The following TFEC variants were observed in gnomAD, a reference collection of about 807,000 sequenced individuals.
TFEC encodes class E basic helix-loop-helix protein 34.
In TFEC, 31 loss-of-function variants were observed where a neutral mutation model predicts 41.6. The ratio of observed to expected loss-of-function variants is 0.74; its 90% CI spans 0.56 to 1.01. The LOEUF is 1.01. TFEC is among the 50% of genes least tolerant of loss of function. The pLI is 0.00. For missense variants in TFEC, 402 were observed against 404.1 expected, an observed-to-expected ratio of 0.99 and a Z score of 0.04; for synonymous variants, 143 against 140.6, an observed-to-expected ratio of 1.02 and a Z score of -0.12.
chr7:115,969,001 A>T (rs1323877057), intron 3 of TFEC, among the ~76,000 whole-genome samples: 1 of 151,910 alleles, frequency 6.6e-6, no homozygotes, highest in Non-Finnish European at 1.5e-5. Flanking sequence ...AATGCATGGT[A>T]GCTATTATTA....
rs1793242742 is a variant in TFEC, at chr7:115,936,712, C to T, written c.*3839G>A. 1 of 151,388 alleles carries T rather than the reference C, an allele frequency of 6.6e-6. No homozygotes were observed. Among genetic ancestry groups the T allele is most frequent in the South Asian group, 2.1e-4 (1 of 4,828 alleles). The allele number at this position is 151,388 out of a possible 1,614,324, so 9.4% of individuals were successfully genotyped here. ...TTGTGAAATCTAATTCCCCTCATGA[C>T]ATTATGGTAAATGAGCACACCAAAT... On this transcript the variant is annotated 3_prime_UTR_variant, in exon 8 of 8. Coordinates refer to ENST00000265440, the MANE Select transcript of TFEC (RefSeq NM_012252.4).
intron 3 of TFEC, among the ~76,000 whole-genome samples, chr7:116,051,171 T>A (rs1017875254): frequency 1.3e-5 from 2 of 152,172 alleles, no homozygotes; most frequent in African/African-American, 4.8e-5. Flanking sequence ...GGGGGAGGGA[T>A]AGCATTAGGA....
chr7:116,094,456 G>A (rs999770075), intron 3 of TFEC, among the ~76,000 whole-genome samples: 10 of 152,040 alleles, frequency 6.6e-5, no homozygotes, highest in East Asian at 1.9e-4. Context: ...TGAGACAGGC[G>A]GACCACAAGG....
intron 1 of TFEC, among the ~76,000 whole-genome samples, chr7:116,158,604 T>C (rs1798915924): frequency 6.6e-6 from 1 of 152,120 alleles, no homozygotes; most frequent in African/African-American, 2.4e-5. Flanking sequence ...AAATCAATGA[T>C]ATCCAAAGGA....
At chr7:116,149,092 G>C (rs2116450142) in intron 1 of TFEC, among the ~76,000 whole-genome samples, 1 of 152,144 alleles carries the variant, frequency 6.6e-6, no homozygotes, top group East Asian at 1.9e-4. Flanking sequence ...CTGAGAAATA[G>C]AATAGCAGAA....
intron 3 of TFEC, among the ~76,000 whole-genome samples, chr7:116,058,770 T>C (rs1197515785): frequency 6.6e-6 from 1 of 151,752 alleles, no homozygotes; most frequent in Non-Finnish European, 1.5e-5. Context: ...AGCAAAATAA[T>C]ATAATATACT....
intron 1 of TFEC, among the ~76,000 whole-genome samples, chr7:116,114,420 A>C (rs1797927651): frequency 6.6e-6 from 1 of 152,058 alleles, no homozygotes; most frequent in Admixed American, 6.6e-5. Flanking sequence ...CAAAGGTGAG[A>C]ATTTAGGATA....
chr7:115,974,782 A>T (rs901719654), intron 2 of TFEC, among the ~76,000 whole-genome samples: 3 of 152,058 alleles, frequency 2.0e-5, no homozygotes, highest in African/African-American at 7.2e-5. Context: ...GAAGAGACGG[A>T]AACATTTCAT....
At chr7:116,155,658 CCAA>C (rs1176456418) in intron 1 of TFEC, among the ~76,000 whole-genome samples, 8 of 152,308 alleles carry the variant, frequency 5.3e-5, no homozygotes, top group African/African-American at 1.9e-4. Context: ...AGCAGCATCT[CCAA>C]AGCACGGTCC....
chr7:115,942,537 G>A (rs1450354423), intron 6 of TFEC, among the ~76,000 whole-genome samples: 2 of 151,976 alleles, frequency 1.3e-5, no homozygotes, highest in Non-Finnish European at 2.9e-5. Context: ...GTGATCCTGA[G>A]CAATTGTGAA....
intron 3 of TFEC, among the ~76,000 whole-genome samples, chr7:116,043,275 G>A (rs2130928031): frequency 6.6e-6 from 1 of 151,760 alleles, no homozygotes; most frequent in African/African-American, 2.4e-5. Context: ...TTTTTTTTCT[G>A]AGTAAGAGAA....
At position 116,118,336 on chromosome 7, in the gene TFEC, T is replaced by C. The variant is rs938740849; in HGVS notation, c.-68-6298A>G. Among the ~76,000 whole-genome samples the C allele has an allele frequency of 4.6e-5, 7 of 151,912 alleles. No individual in the cohort carries two copies. In the South Asian group the frequency reaches 1.2e-3, roughly 27 times the overall value. The stretch of plus-strand genomic sequence containing the variant: ...TTCAAATAAGTTCGGACCTGCAAAA[T>C]GTTTGCAAATTCTAAAATTATCAAA... On this transcript the variant is annotated intron_variant, in intron 1 of 8. Transcript: ENST00000484212.
At chr7:116,051,713 A>G (rs1006059029) in intron 3 of TFEC, among the ~76,000 whole-genome samples, 2 of 152,212 alleles carry the variant, frequency 1.3e-5, no homozygotes, top group Admixed American at 1.3e-4. Context: ...GGAGGAGGAA[A>G]GAGTAGTATC....
chr7:116,158,349 G>A (rs1249185473), intron 1 of TFEC, among the ~76,000 whole-genome samples: 3 of 151,880 alleles, frequency 2.0e-5, no homozygotes, highest in Admixed American at 6.6e-5. Context: ...CTTTAAATGA[G>A]CATTACAGAC....
intron 1 of TFEC, among the ~76,000 whole-genome samples, chr7:116,128,380 G>A (rs982718583): frequency 1.1e-4 from 16 of 151,912 alleles, no homozygotes; most frequent in African/African-American, 1.7e-4. Context: ...GACACTCCAC[G>A]GTGAGGGCAA....
rs532511891 is a variant in TFEC, at chr7:116,082,691, AT to A, written c.198+28016del. On this transcript the variant is annotated intron_variant, in intron 3 of 8. Transcript: ENST00000484212. ...CATATGAATTTGTGATAATGCCATA[AT>A]TTTTTTTGGCAAACATTAGGTGTTT... 2.8e-4 allele frequency among the ~76,000 whole-genome samples: 43 copies of A among 151,758 alleles called. No individual in the cohort carries two copies. In the East Asian group the frequency reaches 6.4e-3, roughly 23 times the overall value.
chr7:115,970,288 G>T (rs1793074681), intron 3 of TFEC, among the ~76,000 whole-genome samples: 1 of 151,976 alleles, frequency 6.6e-6, no homozygotes, highest in South Asian at 2.1e-4. Flanking sequence ...CAAGTCAGGT[G>T]ACAATGGAGA....
chr7:116,123,518 C>A (rs568820050), intron 1 of TFEC, among the ~76,000 whole-genome samples: 4 of 151,942 alleles, frequency 2.6e-5, no homozygotes, highest in African/African-American at 9.7e-5. Context: ...CATGCCACTT[C>A]CCTACAAAAA....
At chr7:116,044,561 G>T (rs1796118200) in intron 3 of TFEC, among the ~76,000 whole-genome samples, 1 of 152,180 alleles carries the variant, frequency 6.6e-6, no homozygotes, top group Admixed American at 6.5e-5. Flanking sequence ...TAAGCAAAAT[G>T]TTCTTCAATT....
Sources: allele counts gnomAD v4.1 joint callset (sites outside exome capture counted in the v4.1 genomes callset), GRCh38; gene constraint gnomAD v4.1.1; transcripts MANE v1.5; gene names NCBI Gene and HGNC (gene_info 2026-07-23, HGNC 2026-07-21).